The following SASH1 variants were observed in gnomAD, a reference collection of about 807,000 sequenced individuals.
SASH1 encodes SAM and SH3 domain-containing protein 1.
A neutral mutation model predicts 125.2 loss-of-function variants in SASH1; 44 were observed. The ratio of observed to expected loss-of-function variants is 0.35; its 90% confidence interval spans 0.28 to 0.45. The LOEUF (loss-of-function observed/expected upper bound fraction) is 0.45, where lower values mean the gene tolerates loss of function less well. Among genes scored for constraint, SASH1 ranks in the 20% least tolerant of loss-of-function variants. The pLI, the probability that SASH1 is intolerant of heterozygous loss-of-function variation, is 1.00. For synonymous variants in SASH1, 639 were observed against 649.1 expected (o/e 0.98, Z 0.24); for missense variants, 1,426 against 1,614.5 (o/e 0.88, Z 2.00).
chr6:148,244,959 T>TGA, the SASH1 span, among the ~76,000 whole-genome samples: 294 of 119,230 alleles, frequency 2.5e-3, 2 homozygotes, highest in East Asian at 0.018. Flanking sequence ...TGTGTGTGTG[T>TGA]GAGAGAGAGA....
chr6:148,468,787 T>C lies in SASH1; in HGVS notation c.427+202T>C, dbSNP rs924096116. On this transcript the variant is annotated intron_variant, in intron 5 of 19. Transcript: ENST00000367467. ...TGATCATATTCTGCATACTGTTTTATAGTTTTTAACTTGAATATGTTATGA... is the reference window on the plus strand; with the variant it reads ...TGATCATATTCTGCATACTGTTTTACAGTTTTTAACTTGAATATGTTATGA... 1.6e-5 allele frequency: 8 copies of C among 493,476 alleles called. No individual in the cohort carries two copies. In the East Asian group the frequency reaches 1.7e-4, roughly 10 times the overall value. 30.6% of individuals were successfully genotyped at this position (493,476 alleles called of 1,614,324 possible).
intron 1 of SASH1, among the ~76,000 whole-genome samples, chr6:148,325,222 G>A (rs532022598): frequency 8.4e-4 from 128 of 151,902 alleles, no homozygotes; most frequent in Non-Finnish European, 1.6e-3. Context: ...CATGATACCA[G>A]GAATGAGAAG....
intron 1 of SASH1, among the ~76,000 whole-genome samples, chr6:148,316,871 T>C (rs1780491788): frequency 1.3e-5 from 2 of 152,296 alleles, no homozygotes; most frequent in South Asian, 2.1e-4. Flanking sequence ...TGGGTGCAAA[T>C]GTGCATGAAA....
In SASH1 at chr6:148,543,700, C is replaced by T. The variant is rs549406747; in HGVS notation, c.2230C>T (p.Leu744Phe). The T allele has an allele frequency of 1.3e-6, 2 of 1,543,740 alleles. No individual in the cohort carries two copies. Among genetic ancestry groups the T allele is most frequent in the East Asian group, 4.5e-5 (2 of 44,088 alleles). Residue 744 changes from leucine (L) to phenylalanine (F), a missense_variant, in exon 18 of 20, where the codon CTC becomes TTC. Physicochemically the swap from Leu to Phe is conservative, Grantham distance 22. Transcript: ENST00000367467. Reference sequence around the variant, plus strand: ...CACAGGCAAGACTCGGAAAGCTAGCCTCCTATCTGCCAAGTCATCCACCGA... The same window carrying T: ...CACAGGCAAGACTCGGAAAGCTAGCTTCCTATCTGCCAAGTCATCCACCGA... ...LENGKTRKAS[L>F]LSAKSSTEPS...
chr6:148,208,481 C>CTGTT, the SASH1 span, among the ~76,000 whole-genome samples: 1 of 152,096 alleles, frequency 6.6e-6, no homozygotes, highest in Non-Finnish European at 1.5e-5. Flanking sequence ...CATAGCAGAA[C>CTGTT]TGTTATTGTG....
chr6:148,546,084 G>C lies in SASH1; in HGVS notation c.3418G>C (p.Asp1140His). 1.2e-6 allele frequency: 2 copies of C among 1,614,278 alleles called. No homozygotes were observed. The highest frequency in any genetic ancestry group is 2.2e-5 in the South Asian group (2 of 91,086). Residue 1140 changes from aspartate (D) to histidine (H), a missense_variant, in exon 19 of 20, where the codon GAC becomes CAC. Physicochemically the swap from Asp to His is moderately conservative, Grantham distance 81. This residue lies in a region of SASH1 where 634 missense variants were observed against 694.4 expected (regional missense o/e 0.91). Transcript: ENST00000367467. ...AGAGGACTTGGATCAGCCCGAGCGG[G>C]ACGTCGCCGCCAACATGGACCAGAT... The part of the protein sequence containing the change: ...YAEDLDQPER[D>H]VAANMDQIRV...
chr6:148,525,066 CTGGGG>C (rs1562482970), intron 10 of SASH1: 1 of 529,192 alleles, frequency 1.9e-6, no homozygotes, highest in African/African-American at 1.9e-5. Context: ...TTCTAGACCT[CTGGGG>C]TAGGCAGAGT....
intron 1 of SASH1, among the ~76,000 whole-genome samples, chr6:148,307,398 G>A (rs1197133632): frequency 6.6e-6 from 1 of 152,042 alleles, no homozygotes; most frequent in Non-Finnish European, 1.5e-5. Flanking sequence ...TTACAGACAT[G>A]AGCCACCGCA....
intron 1 of SASH1, among the ~76,000 whole-genome samples, chr6:148,298,893 GAAGGAAGA>G (rs1462541572): frequency 1.4e-5 from 2 of 146,790 alleles, no homozygotes; most frequent in African/African-American, 4.9e-5. Flanking sequence ...GGGAGGGAGG[GAAGGAAGA>G]AAGGAAGGAA....
chr6:148,249,762 G>A, the SASH1 span, among the ~76,000 whole-genome samples: 1 of 152,158 alleles, frequency 6.6e-6, no homozygotes, highest in African/African-American at 2.4e-5. Context: ...TGTGAGACAA[G>A]ACACTGTCTT....
chr6:148,524,112 TATATA>T (rs1302862037), intron 10 of SASH1, among the ~76,000 whole-genome samples: 15 of 116,080 alleles, frequency 1.3e-4, no homozygotes, highest in South Asian at 5.2e-4. Context: ...TATATATATA[TATATA>T]TATATTTTTT....
chr6:148,378,474 C>G (rs1783001475), intron 1 of SASH1, among the ~76,000 whole-genome samples: 1 of 152,246 alleles, frequency 6.6e-6, no homozygotes, highest in South Asian at 2.1e-4. Flanking sequence ...CCCACCTCAG[C>G]TTCCTGAGTA....
intron 4 of SASH1, among the ~76,000 whole-genome samples, chr6:148,454,329 C>T (rs113000357): frequency 7.9e-5 from 12 of 152,248 alleles, no homozygotes; most frequent in South Asian, 6.2e-4. Flanking sequence ...CCCACACTGA[C>T]GGTGAAGCAC....
chr6:148,276,197 C>T (rs932325060), intron 1 of SASH1, among the ~76,000 whole-genome samples: 3 of 152,164 alleles, frequency 2.0e-5, no homozygotes, highest in African/African-American at 7.2e-5. Flanking sequence ...TAATACCTGC[C>T]TGTAAGGAGT....
At chr6:148,515,175 A>G (rs928202978) in intron 9 of SASH1, among the ~76,000 whole-genome samples, 1 of 152,212 alleles carries the variant, frequency 6.6e-6, no homozygotes, top group Non-Finnish European at 1.5e-5. Context: ...CTCCCCAAAA[A>G]GGTAAAATGA....
chr6:148,500,086 C>G (rs772864060), intron 8 of SASH1, among the ~76,000 whole-genome samples: 6 of 152,060 alleles, frequency 3.9e-5, no homozygotes, highest in Non-Finnish European at 8.8e-5. Flanking sequence ...TTCTTTTCCC[C>G]CTCTCTTTGC....
At chr6:148,367,668 G>A (rs1379806870) in intron 1 of SASH1, among the ~76,000 whole-genome samples, 1 of 152,236 alleles carries the variant, frequency 6.6e-6, no homozygotes, top group Non-Finnish European at 1.5e-5. Flanking sequence ...ATGCTTCCTA[G>A]TCTGTGAGTT....
intron 1 of SASH1, among the ~76,000 whole-genome samples, chr6:148,336,333 G>T (rs1299568414): frequency 6.6e-6 from 1 of 151,598 alleles, no homozygotes; most frequent in Non-Finnish European, 1.5e-5. Context: ...CTGCCTCCAC[G>T]CCCATTAAAT....
chr6:148,282,800 A>G (rs1228125316), intron 1 of SASH1, among the ~76,000 whole-genome samples: 1 of 152,100 alleles, frequency 6.6e-6, no homozygotes, highest in Non-Finnish European at 1.5e-5. Context: ...GGCAGAATAC[A>G]GTGTTAGGTT....
Sources: allele counts gnomAD v4.1 joint callset (sites outside exome capture counted in the v4.1 genomes callset), GRCh38; gene constraint gnomAD v4.1.1; regional missense constraint gnomAD v4.1.1; transcripts MANE v1.5; gene names NCBI Gene and HGNC (gene_info 2026-07-23, HGNC 2026-07-21).